Variants in ULK4 observed in about 807,000 individuals in gnomAD.
ULK4 encodes the protein inactive serine/threonine-protein kinase ULK4.
A neutral mutation model predicts 160.6 loss-of-function variants in ULK4; 133 were observed. The observed-to-expected ratio is 0.83, with a 90% CI of 0.72 to 0.96. The LOEUF (loss-of-function observed/expected upper bound fraction) is 0.96. ULK4 is among the 40% of genes least tolerant of loss of function. ULK4 has a pLI of 0.00. For missense variants in ULK4, 1,580 were observed against 1,499.5 expected, an observed-to-expected ratio of 1.05 and a Z score of -0.89; for synonymous variants, 534 against 539.8, an observed-to-expected ratio of 0.99 and a Z score of 0.15.
intron 35 of ULK4, among the ~76,000 whole-genome samples, chr3:41,259,679 G>A (rs2078906432): frequency 6.6e-6 from 1 of 152,190 alleles, no homozygotes; most frequent in Non-Finnish European, 1.5e-5. Flanking sequence ...GCAGCCTTCT[G>A]TATTTGTAAA....
intron 32 of ULK4, among the ~76,000 whole-genome samples, chr3:41,519,185 C>T (rs557500769): frequency 1.0e-3 from 155 of 152,310 alleles, no homozygotes; most frequent in African/African-American, 3.6e-3. Context: ...GTCTTTCTTA[C>T]GTTGAACACA....
intron 35 of ULK4, among the ~76,000 whole-genome samples, chr3:41,340,727 C>G (rs1414512698): frequency 6.6e-6 from 1 of 152,196 alleles, no homozygotes; most frequent in Non-Finnish European, 1.5e-5. Flanking sequence ...CTGGAGAGTA[C>G]TGAACTAGAC....
At chr3:41,463,372 TA>T (rs1400949693) in intron 32 of ULK4, 119 bp from the exon 33 acceptor site, 2 of 959,434 alleles carry the variant, frequency 2.1e-6, no homozygotes, top group Non-Finnish European at 3.0e-6. Context: ...ATACTTAAAC[TA>T]TACTCTTATC....
intron 32 of ULK4, among the ~76,000 whole-genome samples, chr3:41,487,098 A>C (rs1479774694): frequency 6.6e-6 from 1 of 152,194 alleles, no homozygotes; most frequent in Non-Finnish European, 1.5e-5. Context: ...TAATTTTAAA[A>C]TCTCTTTCAT....
chr3:41,888,521 G>T lies in ULK4; in HGVS notation c.1578-4569C>A, dbSNP rs368916200. On this transcript the variant is annotated intron_variant, in intron 16 of 36. Coordinates refer to ENST00000301831, the MANE Select transcript of ULK4 (RefSeq NM_017886.4). ...ACAAACTAAGACAGAAAGCAAGAAT[G>T]AGCCACAGGACAATCATCAGATTAC... Among the ~76,000 whole-genome samples, 193 of 152,294 alleles carry T rather than the reference G, an allele frequency of 1.3e-3. 1 individual carries two copies. Among genetic ancestry groups the T allele is most frequent in the East Asian group, 3.9e-4 (2 of 5,180 alleles).
At chr3:41,526,317 T>A (rs1206944649) in intron 32 of ULK4, among the ~76,000 whole-genome samples, 1 of 152,228 alleles carries the variant, frequency 6.6e-6, no homozygotes, top group African/African-American at 2.4e-5. Flanking sequence ...GCTGAAGAAG[T>A]GTGGAGAGGG....
At chr3:41,907,767 A>T in intron 12 of ULK4, 78 bp downstream of exon 12, 1 of 913,048 alleles carries the variant, frequency 1.1e-6, no homozygotes, top group Non-Finnish European at 1.6e-6. Context: ...TTATTAACAT[A>T]ATTCATTTAC....
intron 17 of ULK4, among the ~76,000 whole-genome samples, chr3:41,846,256 T>A (rs555521441): frequency 1.3e-5 from 2 of 151,806 alleles, no homozygotes; most frequent in African/African-American, 2.4e-5. Flanking sequence ...TTTAAAGAAA[T>A]AATAATAAAA....
chr3:41,933,892 A>C (rs948430307), intron 4 of ULK4, among the ~76,000 whole-genome samples: 4 of 152,170 alleles, frequency 2.6e-5, no homozygotes, highest in South Asian at 2.1e-4. Context: ...TCTACTAAAA[A>C]TACAAAAATT....
intron 35 of ULK4, among the ~76,000 whole-genome samples, chr3:41,309,796 A>G (rs9878048): frequency 0.55 from 83,800 of 151,860 alleles, 24,980 homozygotes; most frequent in African/African-American, 0.8. Context: ...ATTTTAGAAA[A>G]AACAGATTTG....
chr3:41,577,535 C>T (rs2125623562), intron 31 of ULK4, among the ~76,000 whole-genome samples: 1 of 152,190 alleles, frequency 6.6e-6, no homozygotes, highest in Middle Eastern at 3.4e-3. Context: ...ACTATACTCA[C>T]CCTGTTGTGT....
chr3:41,823,473 G>A (rs1428618742), intron 18 of ULK4, among the ~76,000 whole-genome samples: 3 of 152,202 alleles, frequency 2.0e-5, no homozygotes, highest in Non-Finnish European at 4.4e-5. Flanking sequence ...TGAACTCAGG[G>A]TGATAGGTAT....
intron 35 of ULK4, among the ~76,000 whole-genome samples, chr3:41,266,539 T>C (rs1280407282): frequency 6.6e-6 from 1 of 152,054 alleles, no homozygotes; most frequent in East Asian, 1.9e-4. Flanking sequence ...GCACAGGCTG[T>C]TTGGCTGCAA....
intron 35 of ULK4, among the ~76,000 whole-genome samples, chr3:41,366,770 T>G (rs895867145): frequency 3.3e-5 from 5 of 152,198 alleles, no homozygotes; most frequent in African/African-American, 1.2e-4. Flanking sequence ...TATGCCACAG[T>G]TGAGTCTTCT....
At chr3:41,382,931 G>A (rs1215990206) in intron 35 of ULK4, among the ~76,000 whole-genome samples, 2 of 152,040 alleles carry the variant, frequency 1.3e-5, no homozygotes, top group East Asian at 3.9e-4. Flanking sequence ...TCAATTAATG[G>A]AATTCATTTC....
chr3:41,727,657 C>T (rs2037696043), intron 22 of ULK4, among the ~76,000 whole-genome samples: 1 of 152,108 alleles, frequency 6.6e-6, no homozygotes, highest in Non-Finnish European at 1.5e-5. Context: ...GGCTCCAAAC[C>T]ATGTAAGGGA....
At chr3:41,682,787 C>G (rs1225423566) in intron 27 of ULK4, among the ~76,000 whole-genome samples, 1 of 152,188 alleles carries the variant, frequency 6.6e-6, no homozygotes, top group Non-Finnish European at 1.5e-5. Context: ...ACTTTGAGAA[C>G]TCCAAACTTC....
chr3:41,621,245 A>C (rs1232207931), intron 30 of ULK4, among the ~76,000 whole-genome samples: 1 of 152,206 alleles, frequency 6.6e-6, no homozygotes, highest in Non-Finnish European at 1.5e-5. Flanking sequence ...GACTTTCTTC[A>C]TGGAATTAGA....
chr3:41,916,099 A>G (rs527609736), intron 7 of ULK4, 47 bp from the exon 8 acceptor site: 1 of 1,226,126 alleles, frequency 8.2e-7, no homozygotes, highest in South Asian at 1.4e-5. Flanking sequence ...TAGTAAATAC[A>G]TATCAATTTT....
Sources: gnomAD v4.1 joint callset for allele counts (sites outside exome capture counted in the v4.1 genomes callset) on GRCh38, gnomAD v4.1.1 for gene constraint, MANE v1.5 for transcripts, NCBI Gene and HGNC (gene_info 2026-07-23, HGNC 2026-07-21) for gene names.